KCTD19: variants seen among roughly 807,000 people sequenced by gnomAD.
KCTD19 encodes BTB/POZ domain-containing protein KCTD19.
A neutral mutation model predicts 103.5 loss-of-function variants in KCTD19; 67 were observed. That is an observed-to-expected ratio of 0.65 (90% CI 0.53 to 0.79). The LOEUF (loss-of-function observed/expected upper bound fraction) is 0.79, where lower values mean the gene tolerates loss of function less well. Ranked by LOEUF, KCTD19 falls within the 30% of genes least tolerant of loss-of-function variation. The pLI is 0.00. For missense variants in KCTD19, 980 were observed against 1,136.1 expected (o/e 0.86, Z 1.98); for synonymous variants, 439 against 452.2 (o/e 0.97, Z 0.37).
chr16:67,319,464 C>T (rs1406385516), intron 2 of KCTD19, among the ~76,000 whole-genome samples: 1 of 152,062 alleles, frequency 6.6e-6, no homozygotes, highest in Non-Finnish European at 1.5e-5. Flanking sequence ...ACGGAATAAA[C>T]ACCTTGTACA....
In KCTD19 at chr16:67,293,571, A is replaced by G; in HGVS notation, c.2191T>C (p.Trp731Arg). 2 of 1,614,066 alleles carry G rather than the reference A, an allele frequency of 1.2e-6. No homozygotes were observed. The highest frequency in any genetic ancestry group is 1.7e-6 in the Non-Finnish European group (2 of 1,180,006). The change falls in exon 12 of 16, where the codon TGG (tryptophan) becomes CGG (arginine). Residue 731 changes from tryptophan to arginine, a missense_variant. Physicochemically the swap from Trp to Arg is moderately radical, Grantham distance 101 (BLOSUM62 -3). Coordinates refer to ENST00000304372, the MANE Select transcript of KCTD19 (RefSeq NM_001100915.3). The surrounding 1 kb of genome is among the most constrained non-coding windows in gnomAD (Gnocchi z 4.0). ...PPKRAGTLKDWSKQRTKERES... is the reference protein window; with the variant it reads ...PPKRAGTLKDRSKQRTKERES... ...CTCTCCTTGGTCCTCTGCTTGCTCCAGTCCTTCAGGGTGCCAGCTCTTTTT... is the reference window on the plus strand; with the variant it reads ...CTCTCCTTGGTCCTCTGCTTGCTCCGGTCCTTCAGGGTGCCAGCTCTTTTT...
intron 1 of KCTD19, among the ~76,000 whole-genome samples, chr16:67,322,508 C>G (rs1258097042): frequency 6.6e-6 from 1 of 152,102 alleles, no homozygotes; most frequent in African/African-American, 2.4e-5. Flanking sequence ...CTGTGTTAGC[C>G]AGCATGGTCT....
chr16:67,307,154 AT>A (rs960978372), intron 2 of KCTD19, among the ~76,000 whole-genome samples: 104 of 145,460 alleles, frequency 7.1e-4, no homozygotes, highest in Admixed American at 1.9e-3. Flanking sequence ...CCATCACGTC[AT>A]TTTTTTTTTT....
At chr16:67,308,175 T>C (rs902770016) in intron 2 of KCTD19, among the ~76,000 whole-genome samples, 4 of 150,962 alleles carry the variant, frequency 2.6e-5, no homozygotes, top group Admixed American at 6.6e-5. Flanking sequence ...CTTTTCTTTT[T>C]TTTTTTTTTT....
rs1567447614 is a variant in KCTD19 at position 67,294,619 on chromosome 16, C to T, written c.1551G>A (p.Gly517=). 11 of 1,614,090 alleles carry T rather than the reference C, an allele frequency of 6.8e-6. No individual in the cohort carries two copies. The highest frequency in any genetic ancestry group is 9.3e-6 in the Non-Finnish European group (11 of 1,179,924). The change falls in exon 11 of 16, where the codon GGG becomes GGA. Residue 517 remains glycine, a synonymous_variant. Transcript: ENST00000304372. ...SIRRLHVVTE[G]PGSLVEFSRD... is the part of the protein sequence containing the mutation. ...TACTGAACTCCACCAGTGACCCTGG[C>T]CCTTCTGTCACCACATGCAGCCTCC...
chr16:67,301,893 G>A lies in KCTD19; in HGVS notation c.673C>T (p.Leu225=). ...TCAATGTTGGAGAAATTATCCGGTA[G>A]TAAAATCTTCTGTGAGCGAAGAAAA... ...VNFLRSQKIL[L]PDNFSNIDVL... is the part of the protein sequence containing the mutation. Residue 225 remains leucine, a synonymous_variant, in exon 5 of 16, where the codon CTA becomes TTA. Coordinates refer to ENST00000304372, the MANE Select transcript of KCTD19 (RefSeq NM_001100915.3). 2 of 1,613,560 alleles carry A rather than the reference G, an allele frequency of 1.2e-6. No homozygotes were observed. Among genetic ancestry groups the A allele is most frequent in the South Asian group, 2.2e-5 (2 of 91,062 alleles).
intron 2 of KCTD19, among the ~76,000 whole-genome samples, chr16:67,306,775 A>C (rs897646348): frequency 2.6e-5 from 4 of 152,212 alleles, no homozygotes; most frequent in African/African-American, 9.6e-5. Flanking sequence ...TAGGGTATAC[A>C]CGAAAAGAAC....
Position 67,295,410 on chromosome 16 carries a change from AG to A in KCTD19, c.1249-6del. The A allele has an allele frequency of 6.2e-7, 1 of 1,609,764 alleles. No homozygotes were observed. Among genetic ancestry groups the A allele is most frequent in the South Asian group, 1.1e-5 (1 of 90,750 alleles). On this transcript the variant is annotated splice_region_variant and splice_polypyrimidine_tract_variant and intron_variant, in intron 8 of 15. Coordinates refer to ENST00000304372, the MANE Select transcript of KCTD19 (RefSeq NM_001100915.3). Reference sequence around the variant, plus strand: ...GTTGGACAGCAGTTCTGGATACTGGAGGGGGTTGGACACCGGACTCAGTCTC... The same window carrying A: ...GTTGGACAGCAGTTCTGGATACTGGAGGGGTTGGACACCGGACTCAGTCTC...
Position 67,320,653 on chromosome 16 carries a change from C to A in KCTD19, c.236G>T (p.Ser79Ile). The change falls in exon 2 of 16, where the codon AGT (serine) becomes ATT (isoleucine). Residue 79 changes from serine (S) to isoleucine (I), a missense_variant. Physicochemically the swap from Ser to Ile is moderately radical, Grantham distance 142 (BLOSUM62 -2). Coordinates refer to ENST00000304372, the MANE Select transcript of KCTD19 (RefSeq NM_001100915.3). This position sits in a 1 kb window ranked among gnomAD's most constrained non-coding sequence, Gnocchi z 4.0. ...ATACAGCAAGTTCAGTTCTGCACAA[C>A]TGGAGAAGGAGAGTTTGGAGGTGTA... ...YLYTSKLSFS[S>I]CAELNLLYEQ... 1 of 1,614,176 alleles carries A rather than the reference C, an allele frequency of 6.2e-7. No individual in the cohort carries two copies. The highest frequency in any genetic ancestry group is 8.5e-7 in the Non-Finnish European group (1 of 1,180,042).
chr16:67,318,067 G>T (rs935092119), intron 2 of KCTD19, among the ~76,000 whole-genome samples: 3 of 152,206 alleles, frequency 2.0e-5, no homozygotes, highest in Non-Finnish European at 2.9e-5. Context: ...TCTGCTTCAA[G>T]AAATAAACAC....
rs749752322 is a variant in KCTD19 at position 67,305,601 on chromosome 16, C to T, written c.301-1030G>A. The T allele has an allele frequency of 5.9e-5, 27 of 455,714 alleles. 1 individual carries two copies. The highest frequency in any genetic ancestry group is 4.0e-4 in the South Asian group (26 of 64,520). The allele number at this position is 455,714 out of a possible 1,614,324, so 28.2% of individuals were successfully genotyped here. On this transcript the variant is annotated intron_variant, in intron 2 of 15. Coordinates refer to ENST00000304372, the MANE Select transcript of KCTD19 (RefSeq NM_001100915.3). ...CGCCCTTACCCAGGGACCCATTCTCCCTCAAAAGTCCTGCAGGGGGCAGAT... is the reference window on the plus strand; with the variant it reads ...CGCCCTTACCCAGGGACCCATTCTCTCTCAAAAGTCCTGCAGGGGGCAGAT...
At chr16:67,317,336 G>A (rs1317109855) in intron 2 of KCTD19, among the ~76,000 whole-genome samples, 4 of 151,982 alleles carry the variant, frequency 2.6e-5, no homozygotes, top group Admixed American at 2.6e-4. Context: ...AAAATTAGCT[G>A]GGCGTGGTGC....
intron 2 of KCTD19, among the ~76,000 whole-genome samples, chr16:67,318,177 C>G (rs533353769): frequency 2.6e-5 from 4 of 152,192 alleles, no homozygotes; most frequent in Non-Finnish European, 5.9e-5. Flanking sequence ...GGCAGAGCCA[C>G]ATGATTCTTC....
chr16:67,315,445 A>T (rs1346295022), intron 2 of KCTD19, among the ~76,000 whole-genome samples: 1 of 151,910 alleles, frequency 6.6e-6, no homozygotes, highest in Non-Finnish European at 1.5e-5. Context: ...AGCTAGGATT[A>T]CAGGCATGAG....
In KCTD19 at chr16:67,299,580, CAGAG is replaced by C. The variant is rs1280054317; in HGVS notation, c.776-11_776-8del. ...GTGGTCGGGGAACAGCCACCTGTGT[CAGAG>C]AGAAAGGGGTGACTCCTAGGCCCCC... On this transcript the variant is annotated splice_polypyrimidine_tract_variant and splice_region_variant and intron_variant, in intron 5 of 15. Coordinates refer to ENST00000304372, the MANE Select transcript of KCTD19 (RefSeq NM_001100915.3). 1.2e-6 allele frequency: 2 copies of C among 1,608,468 alleles called. No homozygotes were observed. The highest frequency in any genetic ancestry group is 1.7e-6 in the Non-Finnish European group (2 of 1,178,864).
chr16:67,294,056 C>G lies in KCTD19; in HGVS notation c.1706G>C (p.Arg569Pro). 6.2e-7 allele frequency: 1 copy of G among 1,614,120 alleles called. No homozygotes were observed. Among genetic ancestry groups the G allele is most frequent in the Non-Finnish European group, 8.5e-7 (1 of 1,180,024 alleles). ...NQMDEAEQYT[R>P]PIQVSLCRNA... ...TCGGCATAGGGACACCTGGATGGGCCGAGTGTACTGCTCAGCCTCATCCAT... is the reference window on the plus strand; with the variant it reads ...TCGGCATAGGGACACCTGGATGGGCGGAGTGTACTGCTCAGCCTCATCCAT... Residue 569 changes from arginine (R) to proline (P), a missense_variant, in exon 12 of 16, where the codon CGG becomes CCG. Arg to Pro is a moderately radical substitution (Grantham distance 103, BLOSUM62 -2). Coordinates refer to ENST00000304372, the MANE Select transcript of KCTD19 (RefSeq NM_001100915.3).
chr16:67,304,959 C>T (rs775049151), intron 2 of KCTD19, among the ~76,000 whole-genome samples: 30 of 152,238 alleles, frequency 2.0e-4, no homozygotes, highest in African/African-American at 3.6e-4. Flanking sequence ...TGAACCACCG[C>T]GCCCAGCGAC....
chr16:67,304,475 A>G lies in KCTD19; in HGVS notation c.397T>C (p.Trp133Arg), dbSNP rs1555504861. The change falls in exon 3 of 16, where the codon TGG (tryptophan) becomes CGG (arginine). Residue 133 changes from tryptophan (W) to arginine (R), a missense_variant. Coordinates refer to ENST00000304372, the MANE Select transcript of KCTD19 (RefSeq NM_001100915.3). ...TCTGAGGGTTTGCTAATACACTTCC[A>G]TGTACGCCAGTAGTTCAGAGATGCT... is the stretch of plus-strand genomic sequence containing the variant. The part of the protein sequence containing the change: ...ERASLNYWRT[W>R]KCISKPSEFP... The G allele has an allele frequency of 6.2e-7, 1 of 1,614,104 alleles. No homozygotes were observed. The highest frequency in any genetic ancestry group is 8.5e-7 in the Non-Finnish European group (1 of 1,179,970).
At chr16:67,291,167 G>A (rs2036687229) in intron 14 of KCTD19, 142 bp downstream of exon 14, 1 of 1,198,688 alleles carries the variant, frequency 8.3e-7, no homozygotes, top group Non-Finnish European at 1.2e-6. Context: ...TTGCCTCCCT[G>A]TCCCACCACT....
Sources: allele counts gnomAD v4.1 joint callset (sites outside exome capture counted in the v4.1 genomes callset), GRCh38; gene constraint gnomAD v4.1.1; non-coding constraint Gnocchi (gnomAD v3.1); transcripts MANE v1.5; gene names NCBI Gene and HGNC (gene_info 2026-07-23, HGNC 2026-07-21).